RPH3AL: variants seen among roughly 807,000 people sequenced by gnomAD.
RPH3AL encodes rab effector Noc2.
Under a neutral mutation model 43.1 loss-of-function variants are expected in RPH3AL, and 38 were observed. The ratio of observed to expected loss-of-function variants is 0.88; its 90% confidence interval spans 0.68 to 1.15. The LOEUF is 1.15. Among genes scored for constraint, RPH3AL ranks in the 50% most tolerant of loss-of-function variants. The probability of loss-of-function intolerance (pLI) is 0.00; values close to 1 mark genes in which losing one functional copy is unlikely to be tolerated. For missense variants in RPH3AL, 462 were observed against 423.2 expected (o/e 1.09, Z -0.81); for synonymous variants, 189 against 176.3 (o/e 1.07, Z -0.57).
chr17:265,245 C>G (rs191009053), intron 6 of RPH3AL, among the ~76,000 whole-genome samples: 29 of 152,164 alleles, frequency 1.9e-4, no homozygotes, highest in African/African-American at 7.0e-4. Context: ...TGCCACCATG[C>G]CCAGCTAATT....
rs1468276337 is a variant in RPH3AL at position 328,687 on chromosome 17, A to T, written c.-36-1108T>A. Among the ~76,000 whole-genome samples the T allele has an allele frequency of 6.6e-6, 1 of 152,240 alleles. No individual in the cohort carries two copies. The highest frequency in any genetic ancestry group is 1.9e-4 in the East Asian group (1 of 5,208). ...AACTGATGAATGAGGAAAATGTGCTATATCCATACGATGATTATTATTTAC... is the reference window on the plus strand; with the variant it reads ...AACTGATGAATGAGGAAAATGTGCTTTATCCATACGATGATTATTATTTAC... On this transcript the variant is annotated intron_variant, in intron 2 of 9. Coordinates refer to ENST00000331302, the MANE Select transcript of RPH3AL (RefSeq NM_006987.4). This position sits in a 1 kb window ranked among gnomAD's most constrained non-coding sequence, Gnocchi z 4.2.
intron 7 of RPH3AL, among the ~76,000 whole-genome samples, chr17:243,598 C>T (rs2041646648): frequency 7.6e-6 from 1 of 131,118 alleles, no homozygotes; most frequent in South Asian, 2.4e-4. Context: ...TATTGATTAC[C>T]CTTCCTCTAT....
intron 3 of RPH3AL, among the ~76,000 whole-genome samples, chr17:325,989 C>A (rs1267757214): frequency 6.6e-6 from 1 of 152,226 alleles, no homozygotes; most frequent in Admixed American, 6.5e-5. Context: ...CAGCATTTGG[C>A]TGCTGCTGAG....
At chr17:241,054 T>TTAATAA (rs2041518952) in intron 7 of RPH3AL, among the ~76,000 whole-genome samples, 1 of 110,878 alleles carries the variant, frequency 9.0e-6, no homozygotes, top group Non-Finnish European at 1.8e-5. Flanking sequence ...AGACTCCATC[T>TTAATAA]CAATAATAAT....
intron 5 of RPH3AL, among the ~76,000 whole-genome samples, chr17:297,628 G>A (rs1184146352): frequency 6.6e-6 from 1 of 152,216 alleles, no homozygotes; most frequent in African/African-American, 2.4e-5. Context: ...AACTGTAAGA[G>A]AATAGGAAAA....
chr17:291,750 C>G (rs1176771340), intron 5 of RPH3AL, among the ~76,000 whole-genome samples: 1 of 152,072 alleles, frequency 6.6e-6, no homozygotes, highest in Non-Finnish European at 1.5e-5. Context: ...GAAATGACAA[C>G]GAAGCTGTGT....
At chr17:348,230 G>A (rs144159534) in intron 1 of RPH3AL, among the ~76,000 whole-genome samples, 3 of 152,238 alleles carry the variant, frequency 2.0e-5, no homozygotes, top group Non-Finnish European at 4.4e-5. Context: ...CCAGGGATTT[G>A]GGCGTGGAAC....
intron 6 of RPH3AL, among the ~76,000 whole-genome samples, chr17:252,973 G>A (rs12603562): frequency 3.9e-5 from 6 of 152,198 alleles, no homozygotes; most frequent in Non-Finnish European, 7.3e-5. Context: ...TGATGACATA[G>A]AGTCAGGCCG....
At chr17:227,049 G>C (rs572609941) in intron 7 of RPH3AL, among the ~76,000 whole-genome samples, 6 of 152,222 alleles carry the variant, frequency 3.9e-5, no homozygotes, top group Non-Finnish European at 8.8e-5. Context: ...GAGTCACCCG[G>C]GTGCCGCCGA....
intron 7 of RPH3AL, among the ~76,000 whole-genome samples, chr17:236,458 G>A (rs551449366): frequency 5.4e-4 from 82 of 151,976 alleles, no homozygotes; most frequent in Admixed American, 1.8e-3. Context: ...CACTGGCCAC[G>A]CCATCCGTTA....
Position 322,926 on chromosome 17 carries a change from C to T in RPH3AL, c.78-1511G>A, listed in dbSNP as rs985176339. Reference sequence around the variant, plus strand: ...TTCTGGTCCCGTCCCTTCCCAGATGCGAGACCTCGGATGAGGCTCTCACCC... The same window carrying T: ...TTCTGGTCCCGTCCCTTCCCAGATGTGAGACCTCGGATGAGGCTCTCACCC... On this transcript the variant is annotated intron_variant, in intron 3 of 9. Coordinates refer to ENST00000331302, the MANE Select transcript of RPH3AL (RefSeq NM_006987.4). This position sits in a 1 kb window ranked among gnomAD's most constrained non-coding sequence, Gnocchi z 4.0. Among the ~76,000 whole-genome samples, 9 of 152,234 alleles carry T rather than the reference C, an allele frequency of 5.9e-5. No homozygotes were observed. The highest frequency in any genetic ancestry group is 5.8e-4 in the East Asian group (3 of 5,186).
chr17:319,191 G>A (rs1302436796), intron 5 of RPH3AL, among the ~76,000 whole-genome samples: 2 of 152,350 alleles, frequency 1.3e-5, no homozygotes, highest in East Asian at 3.9e-4. Flanking sequence ...TGGCTCGGGT[G>A]TGAATCTACC....
intron 6 of RPH3AL, among the ~76,000 whole-genome samples, chr17:276,908 G>T (rs2151599614): frequency 6.6e-6 from 1 of 152,196 alleles, no homozygotes; most frequent in East Asian, 1.9e-4. Context: ...CTGTAAAGTG[G>T]TCTTTTTTGT....
At chr17:270,956 G>T (rs919103544) in intron 6 of RPH3AL, among the ~76,000 whole-genome samples, 1 of 152,164 alleles carries the variant, frequency 6.6e-6, no homozygotes, top group African/African-American at 2.4e-5. Flanking sequence ...TTTTGTATAA[G>T]GTGTAAGGAA....
At chr17:231,671 G>T (rs115615420) in intron 7 of RPH3AL, among the ~76,000 whole-genome samples, 1 of 152,208 alleles carries the variant, frequency 6.6e-6, no homozygotes, top group Non-Finnish European at 1.5e-5. Context: ...AGGCACACAC[G>T]GGAGCTCTGC....
intron 2 of RPH3AL, among the ~76,000 whole-genome samples, chr17:330,747 G>A (rs897467797): frequency 4.6e-5 from 7 of 152,028 alleles, no homozygotes; most frequent in Admixed American, 1.3e-4. Flanking sequence ...GTGATGGCGC[G>A]CACCTGTAAT....
At chr17:342,273 G>A (rs2151730945) in intron 1 of RPH3AL, among the ~76,000 whole-genome samples, 1 of 152,276 alleles carries the variant, frequency 6.6e-6, no homozygotes, top group South Asian at 2.1e-4. Flanking sequence ...GAATGGAGAT[G>A]GTGCAGCCAC....
intron 3 of RPH3AL, chr17:321,754 G>T: frequency 3.6e-6 from 1 of 277,082 alleles, no homozygotes; most frequent in Non-Finnish European, 6.8e-6. Flanking sequence ...AGGCACGCGG[G>T]CAACAGAGAC....
intron 3 of RPH3AL, among the ~76,000 whole-genome samples, chr17:326,658 A>G (rs1026764688): frequency 3.3e-5 from 5 of 152,184 alleles, no homozygotes; most frequent in Non-Finnish European, 7.3e-5. Flanking sequence ...AGGCGGGTGG[A>G]TCACTTGAGG....
Sources: allele counts gnomAD v4.1 joint callset (sites outside exome capture counted in the v4.1 genomes callset), GRCh38; gene constraint gnomAD v4.1.1; non-coding constraint Gnocchi (gnomAD v3.1); transcripts MANE v1.5; gene names NCBI Gene and HGNC (gene_info 2026-07-23, HGNC 2026-07-21).